Variants in HEPHL1 observed in about 807,000 individuals in gnomAD.
The protein encoded by HEPHL1 is hephaestin like 1.
In HEPHL1, 123 loss-of-function variants were observed where a neutral mutation model predicts 122.0. The ratio of observed to expected loss-of-function variants is 1.01; its 90% CI spans 0.87 to 1.17. HEPHL1 has a LOEUF of 1.17. HEPHL1 is among the 50% of genes most tolerant of loss of function. The pLI is 0.00. For missense variants in HEPHL1, 1,452 were observed against 1,430.5 expected (o/e 1.01, Z -0.24); for synonymous variants, 527 against 508.9 (o/e 1.04, Z -0.48).
chr11:94,039,102 C>T (rs1411030836), intron 1 of HEPHL1, among the ~76,000 whole-genome samples: 56 of 87,978 alleles, frequency 6.4e-4, no homozygotes, highest in Non-Finnish European at 1.1e-4. Context: ...TTTAAACCAA[C>T]AAAGATCAAA....
In HEPHL1 at chr11:94,064,449, C is replaced by T; in HGVS notation, c.747C>T (p.Cys249=). The T allele has an allele frequency of 6.2e-7, 1 of 1,613,014 alleles. No homozygotes were observed. Among genetic ancestry groups the T allele is most frequent in the Non-Finnish European group, 8.5e-7 (1 of 1,179,158 alleles). ...WYLNENIKHF[C]TNPDSVDKKD... is the part of the protein sequence containing the mutation. ...TCAATGAAAATATCAAACATTTCTG[C>T]ACCAACCCTGATTCAGTTGACAAGA... Residue 249 remains cysteine, a synonymous_variant, in exon 4 of 20, where the codon TGC becomes TGT. Coordinates refer to ENST00000315765, the MANE Select transcript of HEPHL1 (RefSeq NM_001098672.2).
intron 12 of HEPHL1, among the ~76,000 whole-genome samples, chr11:94,090,604 C>A (rs1193141046): frequency 2.0e-5 from 3 of 152,106 alleles, no homozygotes; most frequent in Non-Finnish European, 4.4e-5. Flanking sequence ...GAGATAAGGA[C>A]AAGTTCACAT....
chr11:94,025,286 C>T (rs766261868), intron 1 of HEPHL1, among the ~76,000 whole-genome samples: 1 of 152,106 alleles, frequency 6.6e-6, no homozygotes, highest in Non-Finnish European at 1.5e-5. Context: ...TCTCCTCCTC[C>T]TTGGAGTAAA....
chr11:94,060,320 A>G (rs573998949), intron 2 of HEPHL1, among the ~76,000 whole-genome samples: 2 of 151,916 alleles, frequency 1.3e-5, no homozygotes, highest in South Asian at 4.2e-4. Context: ...ATACACATAT[A>G]CATACTATAT....
rs114002842 is a variant in HEPHL1 at position 94,085,345 on chromosome 11, T to G, written c.1868-632T>G. Among the ~76,000 whole-genome samples, 1,078 of 152,318 alleles carry G rather than the reference T, an allele frequency of 7.1e-3. 12 individuals carry two copies. The highest frequency in any genetic ancestry group is 0.025 in the African/African-American group (1,038 of 41,568). On this transcript the variant is annotated intron_variant, in intron 10 of 19. Coordinates refer to ENST00000315765, the MANE Select transcript of HEPHL1 (RefSeq NM_001098672.2). The stretch of plus-strand genomic sequence containing the variant: ...TTATTTATTAATAAAGTCCCTCCAG[T>G]AATTGTACTGGGGTAAGGAAGTACG...
chr11:94,063,399 T>C, intron 2 of HEPHL1, 109 bp from the exon 3 acceptor site: 1 of 863,114 alleles, frequency 1.2e-6, no homozygotes, highest in Non-Finnish European at 1.8e-6. Flanking sequence ...GCAAATAAAT[T>C]TTAATTCAGT....
chr11:94,110,134 T>A (rs1946437018), intron 17 of HEPHL1, among the ~76,000 whole-genome samples: 1 of 152,210 alleles, frequency 6.6e-6, no homozygotes, highest in South Asian at 2.1e-4. Flanking sequence ...AGTATTTCCT[T>A]TTTAATATTT....
chr11:94,070,317 T>C, intron 5 of HEPHL1, 57 bp from the exon 6 acceptor site: 6 of 1,499,686 alleles, frequency 4.0e-6, no homozygotes, highest in Non-Finnish European at 5.4e-6. Context: ...TCTTTTCCTA[T>C]ATGATTCCTT....
Position 94,075,233 on chromosome 11 carries a change from G to A in HEPHL1, c.1564G>A (p.Val522Met), listed in dbSNP as rs769444724. The A allele has an allele frequency of 6.2e-7, 1 of 1,613,468 alleles. No homozygotes were observed. The highest frequency in any genetic ancestry group is 8.5e-7 in the Non-Finnish European group (1 of 1,179,608). Residue 522 changes from valine to methionine, a missense_variant, in exon 9 of 20, where the codon GTG (valine) becomes ATG (methionine). Transcript: ENST00000315765. ...TGAAACCTTCACATACAAGTGGACAGTGCCTGAGAGCGTAAGCCCAACTGC... is the reference window on the plus strand; with the variant it reads ...TGAAACCTTCACATACAAGTGGACAATGCCTGAGAGCGTAAGCCCAACTGC... ...PGETFTYKWT[V>M]PESVSPTAGD... is the part of the protein sequence containing the mutation.
intron 17 of HEPHL1, among the ~76,000 whole-genome samples, chr11:94,110,464 A>C (rs1946439597): frequency 6.6e-6 from 1 of 152,186 alleles, no homozygotes; most frequent in Admixed American, 6.5e-5. Flanking sequence ...GATCATGTGG[A>C]TAAGACATGA....
intron 9 of HEPHL1, among the ~76,000 whole-genome samples, chr11:94,076,691 T>A (rs184175540): frequency 1.1e-3 from 175 of 152,282 alleles, no homozygotes; most frequent in African/African-American, 3.7e-3. Flanking sequence ...GAAAGGTATG[T>A]TCAATTCAAG....
chr11:94,045,783 C>T lies in HEPHL1; in HGVS notation c.281C>T (p.Pro94Leu). The T allele has an allele frequency of 1.2e-6, 2 of 1,613,988 alleles. No homozygotes were observed. Among genetic ancestry groups the T allele is most frequent in the Non-Finnish European group, 1.7e-6 (2 of 1,179,892 alleles). ...DGTYSIEIPK[P>L]PWLGFLGPIL... is the part of the protein sequence containing the mutation. ...ACCTACTCCATAGAGATCCCCAAACCTCCCTGGCTTGGATTCCTGGGCCCC... is the reference window on the plus strand; with the variant it reads ...ACCTACTCCATAGAGATCCCCAAACTTCCCTGGCTTGGATTCCTGGGCCCC... Residue 94 changes from proline (P) to leucine (L), a missense_variant, in exon 2 of 20, where the codon CCT becomes CTT. Transcript: ENST00000315765.
chr11:94,059,771 A>T (rs983328), intron 2 of HEPHL1, among the ~76,000 whole-genome samples: 142,564 of 151,908 alleles, frequency 0.94, 67,585 homozygotes, highest in East Asian at 1. Context: ...AGGCTCTGTT[A>T]GGGGATTCTC....
At position 94,104,719 on chromosome 11, in the gene HEPHL1, T is replaced by C. The variant is rs1475635001; in HGVS notation, c.2874T>C (p.Thr958=). The change falls in exon 16 of 20, where the codon ACT becomes ACC. Residue 958 remains threonine, a synonymous_variant. Transcript: ENST00000315765. ...AAGATCCACGAGATTTTAAGCGCAC[T>C]GATGATTTTGAGGAAAGCAACAGAA... ...LNKDPRDFKR[T]DDFEESNRMH... 6.2e-7 allele frequency: 1 copy of C among 1,613,704 alleles called. No homozygotes were observed. The highest frequency in any genetic ancestry group is 1.1e-5 in the South Asian group (1 of 91,072).
chr11:94,069,858 C>T (rs944480928), intron 5 of HEPHL1, among the ~76,000 whole-genome samples: 1 of 152,088 alleles, frequency 6.6e-6, no homozygotes, highest in African/African-American at 2.4e-5. Flanking sequence ...TTTAAAAAAG[C>T]TATGGACATA....
In HEPHL1 at chr11:94,113,309, A is replaced by C. The variant is rs116317723; in HGVS notation, c.*1415A>C. 5.9e-3 allele frequency: 892 copies of C among 152,328 alleles called. 12 individuals carry two copies. The highest frequency in any genetic ancestry group is 0.02 in the African/African-American group (828 of 41,580). 9.4% of individuals were successfully genotyped at this position (152,328 alleles called of 1,614,324 possible). ...TGGTATGCCTGCCTTAGCAGTGGGT[A>C]ATTTGAATGTCAAAGTGAGTGACAA... On this transcript the variant is annotated 3_prime_UTR_variant, in exon 20 of 20. Transcript: ENST00000315765.
chr11:94,093,075 T>G (rs957252047), intron 12 of HEPHL1, among the ~76,000 whole-genome samples: 21 of 149,854 alleles, frequency 1.4e-4, no homozygotes, highest in African/African-American at 5.2e-4. Context: ...CTGGAGAAAC[T>G]CAGGGTGGTA....
At position 94,042,370 on chromosome 11, in the gene HEPHL1, A is replaced by C. The variant is rs1435155343; in HGVS notation, c.171-3303A>C. 1.9e-3 allele frequency among the ~76,000 whole-genome samples: 272 copies of C among 142,104 alleles called. 3 individuals carry two copies. The highest frequency in any genetic ancestry group is 7.0e-3 in the African/African-American group (259 of 37,150). 93.2% of individuals were successfully genotyped at this position (142,104 alleles called of 152,430 possible). A position where few individuals can be genotyped will look rare whatever the true frequency, so the allele number is the denominator to read the frequency against. ...TACCATTTGACCCAGCCATCCCATTACTGGGTATATACCCAAAGGACTATA... is the reference window on the plus strand; with the variant it reads ...TACCATTTGACCCAGCCATCCCATTCCTGGGTATATACCCAAAGGACTATA... On this transcript the variant is annotated intron_variant, in intron 1 of 19. Coordinates refer to ENST00000315765, the MANE Select transcript of HEPHL1 (RefSeq NM_001098672.2).
chr11:94,088,360 T>A (rs1946234838), intron 11 of HEPHL1, among the ~76,000 whole-genome samples: 1 of 152,200 alleles, frequency 6.6e-6, no homozygotes, highest in Non-Finnish European at 1.5e-5. Flanking sequence ...TGGCTTAATT[T>A]GAACCTTGTC....
Sources: gnomAD v4.1 joint callset for allele counts (sites outside exome capture counted in the v4.1 genomes callset) on GRCh38, gnomAD v4.1.1 for gene constraint, MANE v1.5 for transcripts, NCBI Gene and HGNC (gene_info 2026-07-23, HGNC 2026-07-21) for gene names.